Variants in HILPDA observed in about 807,000 individuals in gnomAD.
HILPDA encodes the protein hypoxia inducible lipid droplet associated, also known as hypoxia-inducible lipid droplet-associated protein.
For missense variants in HILPDA, 72 were observed against 73.5 expected (o/e 0.98, Z 0.08); for synonymous variants, 37 against 33.2 (o/e 1.12, Z -0.40).
At position 128,457,295 on chromosome 7, in the gene HILPDA, G is replaced by A. The variant is rs200723202; in HGVS notation, c.27G>A (p.Leu9=). The A allele has an allele frequency of 2.2e-5, 36 of 1,613,542 alleles. No homozygotes were observed. In the East Asian group the frequency reaches 6.9e-4, roughly 31 times the overall value. Residue 9 remains leucine, a synonymous_variant, in exon 2 of 2, where the codon CTG becomes CTA. Transcript: ENST00000257696. MKHVLNLY[L]LGVVLTLLSI... is the part of the protein sequence containing the mutation. The stretch of plus-strand genomic sequence containing the variant: ...TGAAGCATGTGTTGAACCTCTACCT[G>A]TTAGGTGTGGTACTGACCCTACTCT...
rs764879759 is a variant in HILPDA, at chr7:128,457,552, G to A, written c.*92G>A. ...ATTCCTAGCAGACAAGCTGAGCACC[G>A]TTGTAACCAGAGAACTATTACTAGG... On this transcript the variant is annotated 3_prime_UTR_variant, in exon 2 of 2. Transcript: ENST00000257696. 76 of 1,173,042 alleles carry A rather than the reference G, an allele frequency of 6.5e-5. No individual in the cohort carries two copies. Among genetic ancestry groups the A allele is most frequent in the Admixed American group, 2.3e-4 (12 of 51,864 alleles). The allele number at this position is 1,173,042 out of a possible 1,614,324, so 72.7% of individuals were successfully genotyped here. A position where few individuals can be genotyped will look rare whatever the true frequency, so the allele number is the denominator to read the frequency against.
rs548798399 is a variant in HILPDA, at chr7:128,457,186, C to G, written c.-68-15C>G. On this transcript the variant is annotated splice_polypyrimidine_tract_variant and intron_variant, in intron 1 of 1. Transcript: ENST00000257696. ...CCAAAAGGCTATAGATTCATCCTTT[C>G]CTCTTTTTTCTCAGGGTCCAGAGGC... is the stretch of plus-strand genomic sequence containing the variant. 8 of 1,168,790 alleles carry G rather than the reference C, an allele frequency of 6.8e-6. No homozygotes were observed. The Admixed American group carries it at 1.7e-4, about 26-fold the overall frequency. 72.4% of individuals were successfully genotyped at this position (1,168,790 alleles called of 1,614,324 possible).
Position 128,458,285 on chromosome 7 carries a change from C to T in HILPDA, c.*825C>T, listed in dbSNP as rs1013902575. The T allele has an allele frequency of 1.2e-5, 2 of 167,052 alleles. No homozygotes were observed. Among genetic ancestry groups the T allele is most frequent in the African/African-American group, 4.8e-5 (2 of 41,420 alleles). 10.3% of individuals were successfully genotyped at this position (167,052 alleles called of 1,614,324 possible). Reference sequence around the variant, plus strand: ...CATTTCTCATTTTACATTTTAAAGTCGTTCCTCCAACATAGTGTGTATTGG... The same window carrying T: ...CATTTCTCATTTTACATTTTAAAGTTGTTCCTCCAACATAGTGTGTATTGG... On this transcript the variant is annotated 3_prime_UTR_variant, in exon 2 of 2. Transcript: ENST00000257696.
At position 128,456,030 on chromosome 7, in the gene HILPDA, G is replaced by A; in HGVS notation, c.-69+7G>A. ...CCCGGCTGTTCCCCCGGAGGTGAGC[G>A]GCCCTGTGGGCTTCCCCGGCTCCCC... On this transcript the variant is annotated splice_region_variant and intron_variant, in intron 1 of 1. Coordinates refer to ENST00000257696, the MANE Select transcript of HILPDA (RefSeq NM_013332.4). 1 of 454,206 alleles carries A rather than the reference G, an allele frequency of 2.2e-6. No individual in the cohort carries two copies. Among genetic ancestry groups the A allele is most frequent in the Non-Finnish European group, 4.4e-6 (1 of 225,658 alleles). The allele number at this position is 454,206 out of a possible 1,614,324, so 28.1% of individuals were successfully genotyped here.
Position 128,455,944 on chromosome 7 carries a change from C to T in HILPDA, c.-148C>T, listed in dbSNP as rs1335480564. On this transcript the variant is annotated 5_prime_UTR_variant, in exon 1 of 2. Transcript: ENST00000257696. Reference sequence around the variant, plus strand: ...GTGGCGGGAAGCTTCTGCGCTGGTGCTTAGTAACCGACTTTCCTCCGGACT... The same window carrying T: ...GTGGCGGGAAGCTTCTGCGCTGGTGTTTAGTAACCGACTTTCCTCCGGACT... The T allele has an allele frequency of 4.4e-6, 2 of 456,402 alleles. No homozygotes were observed. The highest frequency in any genetic ancestry group is 4.4e-6 in the Non-Finnish European group (1 of 226,952). The allele number at this position is 456,402 out of a possible 1,614,324, so 28.3% of individuals were successfully genotyped here. A position where few individuals can be genotyped will look rare whatever the true frequency, so the allele number is the denominator to read the frequency against.
At chr7:128,456,304 A>G (rs566507661) in intron 1 of HILPDA, 33 of 267,474 alleles carry the variant, frequency 1.2e-4, no homozygotes, top group Non-Finnish European at 2.0e-4. Flanking sequence ...CCCAACACTT[A>G]GCGTGTTGCG....
In HILPDA at chr7:128,457,537, G is replaced by C. The variant is rs1175832330; in HGVS notation, c.*77G>C. 3.1e-6 allele frequency: 4 copies of C among 1,310,056 alleles called. No individual in the cohort carries two copies. The South Asian group carries it at 3.7e-5, about 12-fold the overall frequency. The allele number at this position is 1,310,056 out of a possible 1,614,324, so 81.2% of individuals were successfully genotyped here. A position where few individuals can be genotyped will look rare whatever the true frequency, so the allele number is the denominator to read the frequency against. ...CCAGATGGGAGTCCCATTCCTAGCAGACAAGCTGAGCACCGTTGTAACCAG... is the reference window on the plus strand; with the variant it reads ...CCAGATGGGAGTCCCATTCCTAGCACACAAGCTGAGCACCGTTGTAACCAG... On this transcript the variant is annotated 3_prime_UTR_variant, in exon 2 of 2. Coordinates refer to ENST00000257696, the MANE Select transcript of HILPDA (RefSeq NM_013332.4).
At chr7:128,456,410 T>C (rs1799541806) in intron 1 of HILPDA, 1 of 164,214 alleles carries the variant, frequency 6.1e-6, no homozygotes, top group African/African-American at 2.4e-5. Context: ...GTTTGTTAAA[T>C]AAATGAACTT....
In HILPDA at chr7:128,457,617, C is replaced by A; in HGVS notation, c.*157C>A. ...TCTAACTGGATGCTCATTGCCTGGG[C>A]AAGGCCTGTTTAGGCCGGTTGCGGT... On this transcript the variant is annotated 3_prime_UTR_variant, in exon 2 of 2. Coordinates refer to ENST00000257696, the MANE Select transcript of HILPDA (RefSeq NM_013332.4). 1.4e-6 allele frequency: 1 copy of A among 738,970 alleles called. No individual in the cohort carries two copies. The highest frequency in any genetic ancestry group is 2.2e-6 in the Non-Finnish European group (1 of 448,528). 45.8% of individuals were successfully genotyped at this position (738,970 alleles called of 1,614,324 possible).
Position 128,457,189 on chromosome 7 carries a change from C to T in HILPDA, c.-68-12C>T. 8.1e-7 allele frequency: 1 copy of T among 1,232,610 alleles called. No individual in the cohort carries two copies. The highest frequency in any genetic ancestry group is 1.1e-6 in the Non-Finnish European group (1 of 870,766). 76.4% of individuals were successfully genotyped at this position (1,232,610 alleles called of 1,614,324 possible). ...AAAGGCTATAGATTCATCCTTTCCT[C>T]TTTTTTCTCAGGGTCCAGAGGCCTT... On this transcript the variant is annotated splice_polypyrimidine_tract_variant and intron_variant, in intron 1 of 1. Coordinates refer to ENST00000257696, the MANE Select transcript of HILPDA (RefSeq NM_013332.4).
chr7:128,457,116 C>T, intron 1 of HILPDA, 85 bp from the exon 2 acceptor site: 1 of 582,836 alleles, frequency 1.7e-6, no homozygotes, highest in Non-Finnish European at 3.0e-6. Context: ...TCTCCTTCAG[C>T]CCTGTGAGAG....
Position 128,457,292 on chromosome 7 carries a change from C to T in HILPDA, c.24C>T (p.Tyr8=), listed in dbSNP as rs775559813. The T allele has an allele frequency of 6.2e-7, 1 of 1,613,294 alleles. No individual in the cohort carries two copies. The highest frequency in any genetic ancestry group is 8.5e-7 in the Non-Finnish European group (1 of 1,179,380). Residue 8 remains tyrosine (Y), a synonymous_variant, in exon 2 of 2, where the codon TAC becomes TAT. Coordinates refer to ENST00000257696, the MANE Select transcript of HILPDA (RefSeq NM_013332.4). MKHVLNL[Y]LLGVVLTLLS... ...CCATGAAGCATGTGTTGAACCTCTA[C>T]CTGTTAGGTGTGGTACTGACCCTAC...
Position 128,456,019 on chromosome 7 carries a change from C to G in HILPDA, c.-73C>G. On this transcript the variant is annotated 5_prime_UTR_variant, in exon 1 of 2. Coordinates refer to ENST00000257696, the MANE Select transcript of HILPDA (RefSeq NM_013332.4). ...GGCGATCCACTCCCGGCTGTTCCCC[C>G]GGAGGTGAGCGGCCCTGTGGGCTTC... is the stretch of plus-strand genomic sequence containing the variant. 2.2e-6 allele frequency: 1 copy of G among 456,152 alleles called. No homozygotes were observed. Among genetic ancestry groups the G allele is most frequent in the Non-Finnish European group, 4.4e-6 (1 of 226,788 alleles). 28.3% of individuals were successfully genotyped at this position (456,152 alleles called of 1,614,324 possible). A position where few individuals can be genotyped will look rare whatever the true frequency, so the allele number is the denominator to read the frequency against.
At position 128,457,280 on chromosome 7, in the gene HILPDA, G is replaced by A. The variant is rs114282780; in HGVS notation, c.12G>A (p.Val4=). The A allele has an allele frequency of 8.7e-6, 14 of 1,611,946 alleles. No homozygotes were observed. The Admixed American group carries it at 1.0e-4, about 12-fold the overall frequency. The change falls in exon 2 of 2, where the codon GTG becomes GTA. Residue 4 remains valine, a synonymous_variant. Coordinates refer to ENST00000257696, the MANE Select transcript of HILPDA (RefSeq NM_013332.4). ...GGGTCCTTTCAGCCATGAAGCATGTGTTGAACCTCTACCTGTTAGGTGTGG... is the reference window on the plus strand; with the variant it reads ...GGGTCCTTTCAGCCATGAAGCATGTATTGAACCTCTACCTGTTAGGTGTGG... MKH[V]LNLYLLGVVL...
Position 128,455,923 on chromosome 7 carries a change from C to A in HILPDA, c.-169C>A, listed in dbSNP as rs1175633293. 8.8e-6 allele frequency: 4 copies of A among 456,608 alleles called. No individual in the cohort carries two copies. Among genetic ancestry groups the A allele is most frequent in the African/African-American group, 4.0e-5 (2 of 50,084 alleles). The allele number at this position is 456,608 out of a possible 1,614,324, so 28.3% of individuals were successfully genotyped here. The stretch of plus-strand genomic sequence containing the variant: ...CTTTTGTCTCCGGTGAGTTTTGTGG[C>A]GGGAAGCTTCTGCGCTGGTGCTTAG... On this transcript the variant is annotated 5_prime_UTR_variant, in exon 1 of 2. Transcript: ENST00000257696.
chr7:128,456,159 C>A, intron 1 of HILPDA, 136 bp downstream of exon 1: 1 of 357,422 alleles, frequency 2.8e-6, no homozygotes, highest in Non-Finnish European at 5.5e-6. Context: ...TCTGGGGTCC[C>A]CATTCAGCCG....
At chr7:128,457,060 GT>G (rs1210693059) in intron 1 of HILPDA, 140 bp from the exon 2 acceptor site, 6 of 449,460 alleles carry the variant, frequency 1.3e-5, no homozygotes, top group Non-Finnish European at 2.4e-5. Context: ...TTCTTGGAGA[GT>G]TGCTGTGCAA....
At position 128,457,394 on chromosome 7, in the gene HILPDA, C is replaced by G. The variant is rs1799558233; in HGVS notation, c.126C>G (p.Thr42=). The change falls in exon 2 of 2, where the codon ACC becomes ACG. Residue 42 remains threonine, a synonymous_variant. Coordinates refer to ENST00000257696, the MANE Select transcript of HILPDA (RefSeq NM_013332.4). ...CATCGCCTGGGACCTCCTGGACCAC[C>G]AGAAGCCAACTAGCCAACACAGAGC... The part of the protein sequence containing the change: ...ESPSPGTSWT[T]RSQLANTEPT... 3 of 1,614,178 alleles carry G rather than the reference C, an allele frequency of 1.9e-6. No homozygotes were observed. The highest frequency in any genetic ancestry group is 2.5e-6 in the Non-Finnish European group (3 of 1,180,024).
chr7:128,455,997 G>A lies in HILPDA; in HGVS notation c.-95G>A, dbSNP rs752015741. On this transcript the variant is annotated 5_prime_UTR_variant, in exon 1 of 2. Coordinates refer to ENST00000257696, the MANE Select transcript of HILPDA (RefSeq NM_013332.4). ...TGCACGACCTGCTCCTACAGCCGGC[G>A]ATCCACTCCCGGCTGTTCCCCCGGA... The A allele has an allele frequency of 4.4e-6, 2 of 456,348 alleles. No individual in the cohort carries two copies. The highest frequency in any genetic ancestry group is 8.8e-6 in the Non-Finnish European group (2 of 226,902). 28.3% of individuals were successfully genotyped at this position (456,348 alleles called of 1,614,324 possible). A position where few individuals can be genotyped will look rare whatever the true frequency, so the allele number is the denominator to read the frequency against.
Sources: gnomAD v4.1 joint callset for allele counts on GRCh38, gnomAD v4.1.1 for gene constraint, MANE v1.5 for transcripts, NCBI Gene and HGNC (gene_info 2026-07-23, HGNC 2026-07-21) for gene names.